Variants in DDX10 observed in about 807,000 individuals in gnomAD.
DDX10 encodes DEAD-box helicase 10, also known as probable ATP-dependent RNA helicase DDX10.
In DDX10, 74 loss-of-function variants were observed where a neutral mutation model predicts 104.3. The observed-to-expected ratio is 0.71, with a 90% CI of 0.59 to 0.86. DDX10 has a LOEUF of 0.86. Ranked by LOEUF, DDX10 falls within the 40% of genes least tolerant of loss-of-function variation. The probability of loss-of-function intolerance (pLI) is 0.00; values close to 1 mark genes in which losing one functional copy is unlikely to be tolerated. For synonymous variants in DDX10, 351 were observed against 353.4 expected (o/e 0.99, Z 0.08); for missense variants, 952 against 1,040.0 (o/e 0.92, Z 1.16).
At chr11:108,826,333 A>G (rs1275650576) in intron 13 of DDX10, among the ~76,000 whole-genome samples, 2 of 152,340 alleles carry the variant, frequency 1.3e-5, no homozygotes, top group South Asian at 4.1e-4. Flanking sequence ...TCATAGAGAC[A>G]TAGTTCCGTT....
chr11:108,811,009 A>C (rs921704706), intron 13 of DDX10, among the ~76,000 whole-genome samples: 4 of 152,182 alleles, frequency 2.6e-5, no homozygotes, highest in African/African-American at 9.7e-5. Context: ...CCAGTGGAAT[A>C]TAAACTCTCC....
chr11:108,883,134 G>A (rs1206781974), intron 16 of DDX10, among the ~76,000 whole-genome samples: 1 of 152,100 alleles, frequency 6.6e-6, no homozygotes, highest in Non-Finnish European at 1.5e-5. Context: ...AACTTGAGAT[G>A]AGAGACTTGA....
intron 8 of DDX10, among the ~76,000 whole-genome samples, chr11:108,692,614 G>T (rs1000086064): frequency 2.0e-5 from 3 of 152,046 alleles, no homozygotes; most frequent in Non-Finnish European, 2.9e-5. Context: ...TTATTGTATT[G>T]TTAATTACAG....
chr11:108,848,991 T>A (rs1228400703), intron 15 of DDX10, among the ~76,000 whole-genome samples: 1 of 152,204 alleles, frequency 6.6e-6, no homozygotes, highest in Non-Finnish European at 1.5e-5. Context: ...CACATCAATT[T>A]GTTTTTCTCA....
At chr11:108,838,045 C>G (rs1316064283) in intron 13 of DDX10, among the ~76,000 whole-genome samples, 1 of 152,000 alleles carries the variant, frequency 6.6e-6, no homozygotes, top group African/African-American at 2.4e-5. Context: ...TCCAAGTATA[C>G]ATTTTCCTAC....
intron 16 of DDX10, among the ~76,000 whole-genome samples, chr11:108,914,225 T>C (rs1389168631): frequency 6.6e-6 from 1 of 152,240 alleles, no homozygotes; most frequent in African/African-American, 2.4e-5. Flanking sequence ...TATTAAATTG[T>C]AGGTATTTTG....
intron 17 of DDX10, among the ~76,000 whole-genome samples, chr11:108,926,244 T>C (rs536279783): frequency 5.9e-5 from 9 of 152,280 alleles, no homozygotes; most frequent in Non-Finnish European, 1.0e-4. Flanking sequence ...TAGGGAAATC[T>C]TGAGATTTCG....
intron 16 of DDX10, among the ~76,000 whole-genome samples, chr11:108,916,520 A>G (rs1402908978): frequency 6.6e-6 from 1 of 152,226 alleles, no homozygotes; most frequent in Non-Finnish European, 1.5e-5. Context: ...AGTGAATAGC[A>G]TAATAGTGCT....
intron 16 of DDX10, among the ~76,000 whole-genome samples, chr11:108,872,319 C>T (rs1009120780): frequency 2.6e-5 from 4 of 152,122 alleles, no homozygotes; most frequent in Non-Finnish European, 4.4e-5. Flanking sequence ...TCATTGTGTT[C>T]TATCTTCCTG....
chr11:108,813,729 C>G (rs936388583), intron 13 of DDX10, among the ~76,000 whole-genome samples: 5 of 152,098 alleles, frequency 3.3e-5, no homozygotes, highest in African/African-American at 9.7e-5. Context: ...GCTTTTGATT[C>G]ATTTGGAATT....
intron 16 of DDX10, among the ~76,000 whole-genome samples, chr11:108,904,435 A>T (rs1426388960): frequency 1.3e-5 from 2 of 152,300 alleles, no homozygotes; most frequent in African/African-American, 4.8e-5. Flanking sequence ...GGATTTTCAC[A>T]TTCTACTGGA....
intron 13 of DDX10, among the ~76,000 whole-genome samples, chr11:108,822,165 C>A (rs567161864): frequency 3.3e-5 from 5 of 152,286 alleles, no homozygotes; most frequent in African/African-American, 1.2e-4. Context: ...CAAACATATT[C>A]ATCTAACCAC....
At chr11:108,896,681 C>T (rs1230574335) in intron 16 of DDX10, among the ~76,000 whole-genome samples, 2 of 152,104 alleles carry the variant, frequency 1.3e-5, no homozygotes, top group Non-Finnish European at 2.9e-5. Flanking sequence ...TAGAGGAATT[C>T]AAGCCAGTTT....
chr11:108,884,687 A>G (rs554648928), intron 16 of DDX10, among the ~76,000 whole-genome samples: 1 of 152,164 alleles, frequency 6.6e-6, no homozygotes, highest in African/African-American at 2.4e-5. Context: ...AGAATTATTG[A>G]TCTTATTGGT....
intron 6 of DDX10, among the ~76,000 whole-genome samples, chr11:108,687,427 A>G (rs1189285791): frequency 6.6e-6 from 1 of 152,166 alleles, no homozygotes; most frequent in Non-Finnish European, 1.5e-5. Context: ...CTCCTGCTTC[A>G]GCCTCCCAGG....
chr11:108,678,481 T>G, intron 5 of DDX10, 46 bp downstream of exon 5: 2 of 1,483,258 alleles, frequency 1.3e-6, no homozygotes, highest in Non-Finnish European at 1.8e-6. Flanking sequence ...AAGCTCAGAC[T>G]TAGGAGAGAG....
chr11:108,681,949 G>A lies in DDX10; in HGVS notation c.848+2389G>A, dbSNP rs1386995804. Reference sequence around the variant, plus strand: ...TTCTGTGGACAGTCTGTCTTTTTTGGTTTGGTTTTTTTGCCTTTTTCTTAT... The same window carrying A: ...TTCTGTGGACAGTCTGTCTTTTTTGATTTGGTTTTTTTGCCTTTTTCTTAT... On this transcript the variant is annotated intron_variant, in intron 6 of 17. Coordinates refer to ENST00000322536, the MANE Select transcript of DDX10 (RefSeq NM_004398.4). Among the ~76,000 whole-genome samples the A allele has an allele frequency of 2.0e-5, 3 of 151,798 alleles. No individual in the cohort carries two copies. In the East Asian group the frequency reaches 5.8e-4, roughly 29 times the overall value.
chr11:108,902,731 C>T (rs901006980), intron 16 of DDX10, among the ~76,000 whole-genome samples: 1 of 151,948 alleles, frequency 6.6e-6, no homozygotes, highest in East Asian at 1.9e-4. Flanking sequence ...AGTTTTTTAG[C>T]TGATGTTAAG....
chr11:108,717,811 A>C (rs900466651), intron 11 of DDX10, among the ~76,000 whole-genome samples: 1 of 152,194 alleles, frequency 6.6e-6, no homozygotes, highest in Non-Finnish European at 1.5e-5. Flanking sequence ...CCAGTGAGGT[A>C]GGTGGTATTG....
Sources: allele counts gnomAD v4.1 joint callset (sites outside exome capture counted in the v4.1 genomes callset), GRCh38; gene constraint gnomAD v4.1.1; transcripts MANE v1.5; gene names NCBI Gene and HGNC (gene_info 2026-07-23, HGNC 2026-07-21).